Variants in NDUFA5 observed in about 807,000 individuals in gnomAD.
NDUFA5 encodes NADH:ubiquinone oxidoreductase subunit A5.
NDUFA5 carries 11 observed loss-of-function variants against 19.8 expected under a neutral mutation model. That is an observed-to-expected ratio of 0.56 (90% CI 0.35 to 0.92). The LOEUF (loss-of-function observed/expected upper bound fraction) is 0.92. NDUFA5 is among the 40% of genes least tolerant of loss of function. NDUFA5 has a pLI of 0.01. For synonymous variants in NDUFA5, 47 were observed against 46.8 expected (o/e 1.00, Z -0.01); for missense variants, 109 against 134.2 (o/e 0.81, Z 0.93).
At chr7:123,542,953 A>G (rs1305785455) in intron 4 of NDUFA5, among the ~76,000 whole-genome samples, 1 of 152,202 alleles carries the variant, frequency 6.6e-6, no homozygotes, top group Non-Finnish European at 1.5e-5. Context: ...CCAACTTATA[A>G]GATGAATACT....
At chr7:123,551,541 G>C in intron 2 of NDUFA5, 1 of 975,330 alleles carries the variant, frequency 1.0e-6, no homozygotes, top group Non-Finnish European at 1.2e-6. Context: ...CCGAAGCACT[G>C]CAAATTTTTT....
At position 123,553,902 on chromosome 7, in the gene NDUFA5, T is replaced by G. The variant is rs560525853; in HGVS notation, c.67-3316A>C. Among the ~76,000 whole-genome samples the G allele has an allele frequency of 3.3e-5, 5 of 152,320 alleles. No individual in the cohort carries two copies. In the South Asian group the frequency reaches 1.0e-3, roughly 32 times the overall value. ...AGCTGAGACCAGAGAAGCATTCATA[T>G]TTCAAAAAGGTGGCATCTAAGATAG... On this transcript the variant is annotated intron_variant, in intron 2 of 4. Coordinates refer to ENST00000355749, the MANE Select transcript of NDUFA5 (RefSeq NM_005000.5).
upstream of NDUFA5, among the ~76,000 whole-genome samples, chr7:123,559,292 A>G (rs1798654298): frequency 6.7e-6 from 1 of 149,036 alleles, no homozygotes; most frequent in Non-Finnish European, 1.5e-5. Context: ...ATCTAACATA[A>G]TTAAAGAAAT....
chr7:123,549,797 A>G (rs1798266174), intron 3 of NDUFA5, among the ~76,000 whole-genome samples: 1 of 152,178 alleles, frequency 6.6e-6, no homozygotes, highest in African/African-American at 2.4e-5. Context: ...ACAAAATACG[A>G]TATAATACAA....
chr7:123,556,002 T>C (rs546182357), intron 2 of NDUFA5: 1 of 152,312 alleles, frequency 6.6e-6, no homozygotes, highest in South Asian at 2.1e-4. Flanking sequence ...TCAGTGATGA[T>C]GGTGACTGAG....
At chr7:123,592,752 G>A in the NDUFA5 span, among the ~76,000 whole-genome samples, 68 of 152,268 alleles carry the variant, frequency 4.5e-4, no homozygotes, top group African/African-American at 1.6e-3. Context: ...TGAGAAGAAT[G>A]TATATTCTGT....
chr7:123,548,863 C>T (rs1445116963), intron 3 of NDUFA5, among the ~76,000 whole-genome samples: 1 of 152,072 alleles, frequency 6.6e-6, no homozygotes, highest in African/African-American at 2.4e-5. Flanking sequence ...CAAGACAGCA[C>T]AGTTGGCCCT....
chr7:123,575,931 T>G, the NDUFA5 span, among the ~76,000 whole-genome samples: 13 of 151,496 alleles, frequency 8.6e-5, no homozygotes, highest in South Asian at 8.3e-4. Flanking sequence ...GATTTAAACC[T>G]TCTTTTATTT....
At chr7:123,580,377 C>T in the NDUFA5 span, among the ~76,000 whole-genome samples, 1 of 152,078 alleles carries the variant, frequency 6.6e-6, no homozygotes, top group South Asian at 2.1e-4. Context: ...AAGCAGTCAT[C>T]ACAATCAAAC....
chr7:123,547,859 G>T (rs1169310540), intron 3 of NDUFA5, among the ~76,000 whole-genome samples: 1 of 152,108 alleles, frequency 6.6e-6, no homozygotes, highest in Non-Finnish European at 1.5e-5. Flanking sequence ...TGTACTGAAT[G>T]CTCACTATAT....
At chr7:123,555,314 A>AAG (rs1174177121) in intron 2 of NDUFA5, 16 of 152,366 alleles carry the variant, frequency 1.1e-4, no homozygotes, top group African/African-American at 3.8e-4. Context: ...ACAAGGCAGA[A>AAG]AGGCCAGTAA....
the NDUFA5 span, among the ~76,000 whole-genome samples, chr7:123,574,816 T>C: frequency 6.6e-6 from 1 of 152,174 alleles, no homozygotes. Context: ...TACACATCTT[T>C]AAGTAGTTCC....
At chr7:123,600,647 G>T in the NDUFA5 span, among the ~76,000 whole-genome samples, 2,082 of 152,186 alleles carry the variant, frequency 0.014, 25 homozygotes, top group Non-Finnish European at 0.022. Context: ...CTTGACTATT[G>T]CAATACACAG....
rs989769127 is a variant in NDUFA5, at chr7:123,538,302, C to T, written c.*3817G>A. Reference sequence around the variant, plus strand: ...TTTAAGGATAACCCATGCTAAGTCACTACATGACTCACTATTTTACTTCAC... The same window carrying T: ...TTTAAGGATAACCCATGCTAAGTCATTACATGACTCACTATTTTACTTCAC... On this transcript the variant is annotated 3_prime_UTR_variant, in exon 5 of 5. Coordinates refer to ENST00000355749, the MANE Select transcript of NDUFA5 (RefSeq NM_005000.5). The T allele has an allele frequency of 1.3e-5, 2 of 152,202 alleles. No individual in the cohort carries two copies. Among genetic ancestry groups the T allele is most frequent in the African/African-American group, 4.8e-5 (2 of 41,448 alleles). The allele number at this position is 152,202 out of a possible 1,614,324, so 9.4% of individuals were successfully genotyped here.
At chr7:123,549,417 G>GT (rs570201355) in intron 3 of NDUFA5, among the ~76,000 whole-genome samples, 7 of 152,152 alleles carry the variant, frequency 4.6e-5, no homozygotes, top group Admixed American at 2.0e-4. Flanking sequence ...CAAGCATACA[G>GT]TTTTTTTTAT....
chr7:123,587,187 C>T, the NDUFA5 span, among the ~76,000 whole-genome samples: 1 of 151,388 alleles, frequency 6.6e-6, no homozygotes, highest in Admixed American at 6.6e-5. Flanking sequence ...TTAATTCTTC[C>T]AAATTCCATT....
At chr7:123,561,651 G>T (rs910422615), upstream of NDUFA5, among the ~76,000 whole-genome samples, 6 of 152,094 alleles carry the variant, frequency 3.9e-5, no homozygotes, top group African/African-American at 1.2e-4. Context: ...AGGCTGGAGT[G>T]CAGTGGCATG....
At chr7:123,546,416 A>G (rs1798135491) in intron 3 of NDUFA5, among the ~76,000 whole-genome samples, 1 of 152,166 alleles carries the variant, frequency 6.6e-6, no homozygotes, top group Non-Finnish European at 1.5e-5. Context: ...GTTGTTCTGG[A>G]AAAGTCCTTT....
chr7:123,588,719 TC>T, the NDUFA5 span, among the ~76,000 whole-genome samples: 1 of 151,730 alleles, frequency 6.6e-6, no homozygotes, highest in Non-Finnish European at 1.5e-5. Flanking sequence ...GCTATGCTCT[TC>T]CCTTTTAGAA....
Sources: gnomAD v4.1 joint callset for allele counts (sites outside exome capture counted in the v4.1 genomes callset) on GRCh38, gnomAD v4.1.1 for gene constraint, MANE v1.5 for transcripts, NCBI Gene and HGNC (gene_info 2026-07-23, HGNC 2026-07-21) for gene names.